Variants in DACH1 observed in about 807,000 individuals in gnomAD.
DACH1 encodes dachshund homolog 1.
A neutral mutation model predicts 54.2 loss-of-function variants in DACH1; 12 were observed. The observed-to-expected ratio is 0.22, with a 90% CI of 0.14 to 0.36. The LOEUF (loss-of-function observed/expected upper bound fraction) is 0.36, where lower values mean the gene tolerates loss of function less well. Ranked by LOEUF, DACH1 falls within the 10% of genes least tolerant of loss-of-function variation. DACH1 has a pLI of 1.00. For synonymous variants in DACH1, 386 were observed against 366.2 expected (o/e 1.05, Z -0.62); for missense variants, 805 against 929.8 (o/e 0.87, Z 1.75).
At chr13:71,653,703 T>C (rs1403106566) in intron 2 of DACH1, among the ~76,000 whole-genome samples, 1 of 152,232 alleles carries the variant, frequency 6.6e-6, no homozygotes, top group African/African-American at 2.4e-5. Flanking sequence ...TATCTACCTA[T>C]AGATAACAAG....
At chr13:71,649,581 T>G (rs1878532623) in intron 2 of DACH1, among the ~76,000 whole-genome samples, 1 of 152,104 alleles carries the variant, frequency 6.6e-6, no homozygotes, top group Non-Finnish European at 1.5e-5. Flanking sequence ...TCCTTTGACA[T>G]CAAAAGACAC....
intron 1 of DACH1, among the ~76,000 whole-genome samples, chr13:71,737,577 A>G (rs1403020416): frequency 6.6e-6 from 1 of 152,246 alleles, no homozygotes; most frequent in Non-Finnish European, 1.5e-5. Context: ...TTAAAAAGTT[A>G]GATTGACTTA....
chr13:71,567,271 T>C (rs1353297158), intron 4 of DACH1, among the ~76,000 whole-genome samples: 1 of 152,018 alleles, frequency 6.6e-6, no homozygotes, highest in Non-Finnish European at 1.5e-5. Context: ...TCCAACAATG[T>C]AGGGTAATTT....
At chr13:71,707,300 A>C (rs1399893401) in intron 1 of DACH1, among the ~76,000 whole-genome samples, 1 of 152,244 alleles carries the variant, frequency 6.6e-6, no homozygotes, top group East Asian at 1.9e-4. Flanking sequence ...ACGTGCTTGG[A>C]AGAGTTTCTT....
At chr13:71,449,446 G>A (rs1874805876) in intron 10 of DACH1, among the ~76,000 whole-genome samples, 1 of 152,082 alleles carries the variant, frequency 6.6e-6, no homozygotes, top group Non-Finnish European at 1.5e-5. Context: ...GTATGCTCAT[G>A]TTCTCACTTA....
chr13:71,495,543 C>CA (rs758765731), intron 6 of DACH1, among the ~76,000 whole-genome samples: 2 of 152,040 alleles, frequency 1.3e-5, no homozygotes, highest in Non-Finnish European at 2.9e-5. Context: ...ACATAAAACA[C>CA]AGTTGTTTAA....
chr13:71,454,818 C>T (rs563101013), intron 10 of DACH1, among the ~76,000 whole-genome samples: 3 of 152,134 alleles, frequency 2.0e-5, no homozygotes, highest in Admixed American at 1.3e-4. Context: ...TAAGCTAGTC[C>T]CCAATTCCTC....
chr13:71,697,833 A>G (rs949399744), intron 1 of DACH1, among the ~76,000 whole-genome samples: 1 of 152,206 alleles, frequency 6.6e-6, no homozygotes, highest in African/African-American at 2.4e-5. Context: ...TTAATTTTAA[A>G]AATGGTGTTA....
chr13:71,464,763 C>T (rs978885757), intron 10 of DACH1: 1 of 452,048 alleles, frequency 2.2e-6, no homozygotes, highest in Non-Finnish European at 4.4e-6. Flanking sequence ...TGGCGGGTCA[C>T]TTAAACTTAG....
At chr13:71,632,117 G>GAAAGA (rs1323272972) in intron 2 of DACH1, among the ~76,000 whole-genome samples, 1 of 150,274 alleles carries the variant, frequency 6.7e-6, no homozygotes, top group Non-Finnish European at 1.5e-5. Context: ...AAAAGAAAAG[G>GAAAGA]AAAGAAAAGA....
In DACH1 at chr13:71,476,679, CA is replaced by C. The variant is rs199951428; in HGVS notation, c.1871-831del. ...TATGAAACATTTTTCTCCAACTGGA[CA>C]ATTTAAATATTTGTATATGATACAT... On this transcript the variant is annotated intron_variant, in intron 8 of 10. Coordinates refer to ENST00000613252, the MANE Select transcript of DACH1 (RefSeq NM_080759.6). 4.7e-3 allele frequency among the ~76,000 whole-genome samples: 714 copies of C among 151,990 alleles called. 7 individuals are homozygous for C. The highest frequency in any genetic ancestry group is 0.016 in the African/African-American group (654 of 41,462).
chr13:71,753,647 A>C (rs1179813780), intron 1 of DACH1, among the ~76,000 whole-genome samples: 1 of 152,206 alleles, frequency 6.6e-6, no homozygotes, highest in Non-Finnish European at 1.5e-5. Context: ...ATATTTCACT[A>C]CCAGCCTACC....
At chr13:71,842,621 G>C (rs531483922) in intron 1 of DACH1, among the ~76,000 whole-genome samples, 1 of 151,832 alleles carries the variant, frequency 6.6e-6, no homozygotes, top group East Asian at 1.9e-4. Flanking sequence ...TCTGATAGCA[G>C]AGTAATGTGA....
At chr13:71,768,099 T>G (rs1018817756) in intron 1 of DACH1, among the ~76,000 whole-genome samples, 1 of 152,008 alleles carries the variant, frequency 6.6e-6, no homozygotes, top group Non-Finnish European at 1.5e-5. Context: ...CTCATTAAAA[T>G]CATTTAAAGA....
intron 6 of DACH1, among the ~76,000 whole-genome samples, chr13:71,497,889 CA>C (rs1879574890): frequency 1.4e-5 from 2 of 147,572 alleles, no homozygotes; most frequent in Non-Finnish European, 3.0e-5. Flanking sequence ...CACACACACA[CA>C]CACACACACA....
intron 3 of DACH1, among the ~76,000 whole-genome samples, chr13:71,607,563 GTC>G (rs1419739134): frequency 1.3e-5 from 2 of 151,996 alleles, no homozygotes; most frequent in African/African-American, 4.8e-5. Context: ...AATAAGAATT[GTC>G]TCTTAGGAGC....
intron 1 of DACH1, among the ~76,000 whole-genome samples, chr13:71,737,469 G>GA (rs1156948993): frequency 6.6e-6 from 1 of 152,146 alleles, no homozygotes; most frequent in African/African-American, 2.4e-5. Context: ...CAATATTTAT[G>GA]AAAAACAGCA....
chr13:71,637,807 A>C (rs1877592746), intron 2 of DACH1, among the ~76,000 whole-genome samples: 1 of 152,196 alleles, frequency 6.6e-6, no homozygotes, highest in African/African-American at 2.4e-5. Flanking sequence ...ATTTCAAATA[A>C]GTTAGTACCC....
intron 2 of DACH1, 121 bp from the exon 3 acceptor site, chr13:71,630,838 C>T: frequency 1.7e-6 from 2 of 1,156,322 alleles, no homozygotes; most frequent in East Asian, 2.8e-5. Context: ...TTATGCAACA[C>T]TTTGATAACT....
Sources: allele counts gnomAD v4.1 joint callset (sites outside exome capture counted in the v4.1 genomes callset), GRCh38; gene constraint gnomAD v4.1.1; transcripts MANE v1.5; gene names NCBI Gene and HGNC (gene_info 2026-07-23, HGNC 2026-07-21).